LTN1: variants seen among roughly 807,000 people sequenced by gnomAD.
LTN1 encodes E3 ubiquitin-protein ligase listerin.
LTN1 carries 88 observed loss-of-function variants against 201.2 expected under a neutral mutation model. The observed-to-expected ratio is 0.44, with a 90% confidence interval of 0.37 to 0.52. The LOEUF is 0.52. Among genes scored for constraint, LTN1 ranks in the 20% least tolerant of loss-of-function variants. The probability of loss-of-function intolerance (pLI) is 0.00; values close to 1 mark genes in which losing one functional copy is unlikely to be tolerated. For synonymous variants in LTN1, 645 were observed against 713.5 expected (o/e 0.90, Z 1.53); for missense variants, 1,752 against 2,038.7 (o/e 0.86, Z 2.71).
In LTN1 at chr21:28,959,457, C is replaced by T; in HGVS notation, c.2593+1G>A. 1.2e-6 allele frequency: 2 copies of T among 1,611,868 alleles called. No homozygotes were observed. Among genetic ancestry groups the T allele is most frequent in the Non-Finnish European group, 1.7e-6 (2 of 1,178,572 alleles). ...AAAACATTTGAGCAGTAGGCTATTA[C>T]CTGGCAAATGTGTTTTTTCTTTGCT... On this transcript the variant is annotated splice_donor_variant, in intron 13 of 29. Transcript: ENST00000361371. LOFTEE classifies it high-confidence loss of function.
rs1422284334 is a variant in LTN1, at chr21:28,935,094, C to T, written c.4875+15G>A. The T allele has an allele frequency of 1.3e-6, 2 of 1,547,694 alleles. No homozygotes were observed. The highest frequency in any genetic ancestry group is 2.2e-5 in the East Asian group (1 of 44,548). The stretch of plus-strand genomic sequence containing the variant: ...TTAAAACAACTTTTCTAGAGAAAGT[C>T]AAGACAATACTAACCGTCATGCCAT... On this transcript the variant is annotated intron_variant, in intron 27 of 29. Transcript: ENST00000361371.
intron 11 of LTN1, among the ~76,000 whole-genome samples, chr21:28,964,201 G>GC: frequency 6.6e-6 from 1 of 152,216 alleles, no homozygotes; most frequent in Non-Finnish European, 1.5e-5. Flanking sequence ...CTATCAAACA[G>GC]CATCATATGC....
chr21:28,952,479 T>G (rs1444488520), intron 17 of LTN1, among the ~76,000 whole-genome samples: 3 of 152,288 alleles, frequency 2.0e-5, no homozygotes, highest in African/African-American at 7.2e-5. Context: ...GGTATTGAGC[T>G]CTCTCATCCC....
rs2084433078 is a variant in LTN1, at chr21:28,957,235, TTTTA to T, written c.2892+93_2892+96del. The T allele has an allele frequency of 6.4e-6, 8 of 1,242,756 alleles. No homozygotes were observed. The South Asian group carries it at 7.8e-5, about 12-fold the overall frequency. The allele number at this position is 1,242,756 out of a possible 1,614,324, so 77.0% of individuals were successfully genotyped here. Reference sequence around the variant, plus strand: ...ACATCAAAGCAAAGCAAAATACTCATTTTATTTATGTTTTTCTTCCCCAAAATAA... The same window carrying T: ...ACATCAAAGCAAAGCAAAATACTCATTTTATGTTTTTCTTCCCCAAAATAA... On this transcript the variant is annotated intron_variant, in intron 15 of 29. Transcript: ENST00000361371.
At chr21:28,977,373 CAAA>C (rs113562906) in intron 6 of LTN1, among the ~76,000 whole-genome samples, 13 of 102,500 alleles carry the variant, frequency 1.3e-4, no homozygotes, top group Admixed American at 1.9e-4. Flanking sequence ...GACTCCATCT[CAAA>C]AAAAAAAAAA....
chr21:28,971,238 C>G lies in LTN1; in HGVS notation c.984+33G>C, dbSNP rs373614453. 2.4e-5 allele frequency: 37 copies of G among 1,519,646 alleles called. No individual in the cohort carries two copies. The African/African-American group carries it at 4.3e-4, about 18-fold the overall frequency. The allele number at this position is 1,519,646 out of a possible 1,614,324, so 94.1% of individuals were successfully genotyped here. The stretch of plus-strand genomic sequence containing the variant: ...GATATTCTTATCTCATAGGTTCATT[C>G]CTCAGTGTACTAAATGTGCCTCTCT... On this transcript the variant is annotated intron_variant, in intron 7 of 29. Coordinates refer to ENST00000361371, the MANE Select transcript of LTN1 (RefSeq NM_015565.3).
At chr21:28,985,804 GCA>G (rs2084693903) in intron 3 of LTN1, among the ~76,000 whole-genome samples, 2 of 151,986 alleles carry the variant, frequency 1.3e-5, no homozygotes, top group Non-Finnish European at 2.9e-5. Context: ...GGGATTACAG[GCA>G]TCCATCACCA....
intron 6 of LTN1, among the ~76,000 whole-genome samples, chr21:28,973,628 A>T (rs2084593096): frequency 6.6e-6 from 1 of 152,202 alleles, no homozygotes; most frequent in African/African-American, 2.4e-5. Flanking sequence ...AGAAAAATCA[A>T]GAAAATTTTG....
chr21:28,963,041 G>A (rs1425770955), intron 11 of LTN1, among the ~76,000 whole-genome samples: 1 of 152,208 alleles, frequency 6.6e-6, no homozygotes, highest in Non-Finnish European at 1.5e-5. Flanking sequence ...CTAGCAAAGG[G>A]TGGTTCATGA....
chr21:28,981,101 T>A lies in LTN1; in HGVS notation c.810+18A>T, dbSNP rs1768459063. 1 of 1,441,008 alleles carries A rather than the reference T, an allele frequency of 6.9e-7. No homozygotes were observed. Among genetic ancestry groups the A allele is most frequent in the African/African-American group, 1.4e-5 (1 of 69,240 alleles). The allele number at this position is 1,441,008 out of a possible 1,614,324, so 89.3% of individuals were successfully genotyped here. ...AAGGAATCAGAGAAATGTCTTAAGA[T>A]AAAAAAGATTAATATACCTGAGGTA... On this transcript the variant is annotated intron_variant, in intron 6 of 29. Coordinates refer to ENST00000361371, the MANE Select transcript of LTN1 (RefSeq NM_015565.3).
intron 1 of LTN1, among the ~76,000 whole-genome samples, chr21:28,991,613 T>G (rs989309409): frequency 1.3e-5 from 2 of 152,232 alleles, no homozygotes; most frequent in Non-Finnish European, 2.9e-5. Context: ...GTTCTAATAT[T>G]CTTGCAACTT....
At chr21:28,990,795 C>T (rs1333603478) in intron 1 of LTN1, among the ~76,000 whole-genome samples, 2 of 152,144 alleles carry the variant, frequency 1.3e-5, no homozygotes, top group Non-Finnish European at 2.9e-5. Flanking sequence ...GGCCCAGGCT[C>T]TTCCAAATTT....
At chr21:28,972,555 G>C (rs2146305232) in intron 6 of LTN1, among the ~76,000 whole-genome samples, 1 of 152,318 alleles carries the variant, frequency 6.6e-6, no homozygotes, top group South Asian at 2.1e-4. Context: ...GACTAAGACA[G>C]CTGGAGGTTA....
At chr21:28,988,268 AC>A (rs2084716573) in intron 1 of LTN1, among the ~76,000 whole-genome samples, 1 of 151,832 alleles carries the variant, frequency 6.6e-6, no homozygotes, top group South Asian at 2.1e-4. Context: ...GAAGTTCGAA[AC>A]CAGCCTCGGC....
rs1400213471 is a variant in LTN1, at chr21:28,943,701, G to A, written c.4186C>T (p.Pro1396Ser). The A allele has an allele frequency of 6.2e-7, 1 of 1,613,108 alleles. No homozygotes were observed. The highest frequency in any genetic ancestry group is 8.5e-7 in the Non-Finnish European group (1 of 1,179,226). The stretch of plus-strand genomic sequence containing the variant: ...ATATGATAAACAGCAATTTGCACAG[G>A]CCTAGCTCTGAAGAGGAGTAATGGG... The part of the protein sequence containing the change: ...LAPLLLFRAR[P>S]VQIAVYHMLY... The change falls in exon 23 of 30, where the codon CCT becomes TCT. Residue 1396 changes from proline (P) to serine (S), a missense_variant. By Grantham distance (74) the Pro-to-Ser change is moderately conservative (BLOSUM62 -1). Transcript: ENST00000361371.
rs549958480 is a variant in LTN1, at chr21:28,966,957, C to T, written c.1534G>A (p.Val512Ile). The change falls in exon 10 of 30, where the codon GTT becomes ATT. Residue 512 changes from valine (V) to isoleucine (I), a missense_variant. By Grantham distance (29) the Val-to-Ile change is conservative. Around this residue, in one of 3 missense-constraint regions of LTN1, gnomAD observed 1,211 missense variants for 1,312.8 expected, o/e 0.92. Coordinates refer to ENST00000361371, the MANE Select transcript of LTN1 (RefSeq NM_015565.3). The stretch of plus-strand genomic sequence containing the variant: ...TGTAATAGGTTAGATACACCCAAAA[C>T]GGACTCAACATCAGCTTCTGGCTCA... ...ISEPEADVES[V>I]LGVSNLLQVL... The T allele has an allele frequency of 1.2e-5, 19 of 1,613,628 alleles. No individual in the cohort carries two copies. In the South Asian group the frequency reaches 1.2e-4, roughly 10 times the overall value.
chr21:28,934,981 G>T, intron 27 of LTN1, 128 bp downstream of exon 27: 1 of 678,818 alleles, frequency 1.5e-6, no homozygotes, highest in Non-Finnish European at 2.5e-6. Context: ...TAAGGCATGA[G>T]CCACGACTCC....
chr21:28,987,422 TA>T (rs2084706780), intron 1 of LTN1, among the ~76,000 whole-genome samples: 1 of 152,170 alleles, frequency 6.6e-6, no homozygotes, highest in South Asian at 2.1e-4. Flanking sequence ...AATGAACAAA[TA>T]TTTATTAAAC....
At chr21:28,959,892 G>T (rs2084460804) in intron 12 of LTN1, 195 bp from the exon 13 acceptor site, 1 of 482,000 alleles carries the variant, frequency 2.1e-6, no homozygotes, top group Admixed American at 4.0e-5. Flanking sequence ...AAATTAAGTA[G>T]AAAACAGAAA....
Sources: gnomAD v4.1 joint callset for allele counts (sites outside exome capture counted in the v4.1 genomes callset) on GRCh38, gnomAD v4.1.1 for gene constraint, gnomAD v4.1.1 regional missense constraint, MANE v1.5 for transcripts, NCBI Gene and HGNC (gene_info 2026-07-23, HGNC 2026-07-21) for gene names.